Variants in RPGRIP1 observed in about 807,000 individuals in gnomAD.
RPGRIP1 encodes RPGR interacting protein 1, also known as X-linked retinitis pigmentosa GTPase regulator-interacting protein 1.
In RPGRIP1, 128 loss-of-function variants were observed where a neutral mutation model predicts 157.9. That is an observed-to-expected ratio of 0.81 (90% CI 0.70 to 0.94). RPGRIP1 has a LOEUF of 0.94. Ranked by LOEUF, RPGRIP1 falls within the 40% of genes least tolerant of loss-of-function variation. RPGRIP1 has a pLI of 0.00. For missense variants in RPGRIP1, 1,486 were observed against 1,545.8 expected, an observed-to-expected ratio of 0.96 and a Z score of 0.65; for synonymous variants, 554 against 571.6, an observed-to-expected ratio of 0.97 and a Z score of 0.44.
At chr14:21,343,403 C>T (rs778189540) in intron 22 of RPGRIP1, among the ~76,000 whole-genome samples, 175 bp downstream of exon 22, 4 of 152,192 alleles carry the variant, frequency 2.6e-5, no homozygotes, top group African/African-American at 4.8e-5. Flanking sequence ...AAACATTTTA[C>T]ATGAAGCAGG....
intron 21 of RPGRIP1, among the ~76,000 whole-genome samples, chr14:21,337,414 C>T (rs1247570321): frequency 1.3e-5 from 2 of 149,898 alleles, no homozygotes; most frequent in South Asian, 2.1e-4. Context: ...ATTTCTCTGA[C>T]CTACTGGAGT....
At chr14:21,335,698 G>A (rs1162029819) in intron 21 of RPGRIP1, among the ~76,000 whole-genome samples, 5 of 152,072 alleles carry the variant, frequency 3.3e-5, no homozygotes, top group Non-Finnish European at 5.9e-5. Flanking sequence ...GGGCGTGGTG[G>A]CTGGCACCTG....
In RPGRIP1 at chr14:21,307,824, A is replaced by T; in HGVS notation, c.894A>T (p.Thr298=). The T allele has an allele frequency of 6.4e-7, 1 of 1,555,832 alleles. No individual in the cohort carries two copies. The highest frequency in any genetic ancestry group is 8.7e-7 in the Non-Finnish European group (1 of 1,149,362). The change falls in exon 7 of 25, where the codon ACA becomes ACT. Residue 298 remains threonine, a synonymous_variant. Transcript: ENST00000400017. The part of the protein sequence containing the change: ...ASLVMTKAQL[T]EVQEAYETLL... ...TGGTTATGACAAAAGCACAATTAAC[A>T]GAAGTTCAAGAGGTGAGTTGCCATC...
At chr14:21,338,075 C>T (rs1884580453) in intron 21 of RPGRIP1, among the ~76,000 whole-genome samples, 1 of 152,072 alleles carries the variant, frequency 6.6e-6, no homozygotes, top group Non-Finnish European at 1.5e-5. Context: ...CGCCACCATG[C>T]CTGGCTAATT....
chr14:21,351,258 C>CTT lies in RPGRIP1; in HGVS notation c.*42_*43insTT, dbSNP rs753911354. 1 of 1,273,246 alleles carries CTT rather than the reference C, an allele frequency of 7.9e-7. No individual in the cohort carries two copies. The highest frequency in any genetic ancestry group is 1.3e-5 in the South Asian group (1 of 78,236). The allele number at this position is 1,273,246 out of a possible 1,614,324, so 78.9% of individuals were successfully genotyped here. On this transcript the variant is annotated 3_prime_UTR_variant, in exon 25 of 25. Coordinates refer to ENST00000400017, the MANE Select transcript of RPGRIP1 (RefSeq NM_020366.4). ...CCAATCTAAAAGTCTCTGAGGGAACCATAGTAAAAAGTCTCTTATAAAGTT... is the reference window on the plus strand; with the variant it reads ...CCAATCTAAAAGTCTCTGAGGGAACCTTATAGTAAAAAGTCTCTTATAAAGTT...
At chr14:21,300,235 G>T (rs1880964944) in intron 3 of RPGRIP1, among the ~76,000 whole-genome samples, 1 of 151,432 alleles carries the variant, frequency 6.6e-6, no homozygotes, top group African/African-American at 2.4e-5. Flanking sequence ...AACTTGGGAG[G>T]CAGAGGTTGT....
chr14:21,300,451 C>A (rs1288151046), intron 3 of RPGRIP1, among the ~76,000 whole-genome samples: 1 of 151,916 alleles, frequency 6.6e-6, no homozygotes, highest in Non-Finnish European at 1.5e-5. Context: ...AGCAAAAAAA[C>A]CATGATTTTA....
intron 21 of RPGRIP1, among the ~76,000 whole-genome samples, chr14:21,342,015 A>C (rs1258789504): frequency 6.7e-6 from 1 of 149,896 alleles, no homozygotes; most frequent in Non-Finnish European, 1.5e-5. Context: ...GTGCCACTGC[A>C]CTCCAGCCTG....
intron 3 of RPGRIP1, 99 bp from the exon 4 acceptor site, chr14:21,300,867 A>T: frequency 1.5e-6 from 2 of 1,347,200 alleles, no homozygotes; most frequent in South Asian, 2.5e-5. Flanking sequence ...CGGTAGATGA[A>T]TACATATTAT....
At chr14:21,283,777 C>G (rs1208824136) in intron 1 of RPGRIP1, among the ~76,000 whole-genome samples, 1 of 152,060 alleles carries the variant, frequency 6.6e-6, no homozygotes, top group Admixed American at 6.6e-5. Flanking sequence ...CCTGCCTCAG[C>G]CTCCCGAGTA....
chr14:21,315,608 T>G (rs1566678431), intron 10 of RPGRIP1, among the ~76,000 whole-genome samples: 1 of 151,906 alleles, frequency 6.6e-6, no homozygotes, highest in Non-Finnish European at 1.5e-5. Flanking sequence ...GAACAACTGA[T>G]GTTCTTCAGC....
In RPGRIP1 at chr14:21,344,276, G is replaced by A. The variant is rs188442586; in HGVS notation, c.3533-837G>A. ...TATTTTTTGCAGCAATTTTTCATTC[G>A]CCTTATTTTCATTATACATATTGTA... On this transcript the variant is annotated intron_variant, in intron 22 of 24. Transcript: ENST00000400017. Among the ~76,000 whole-genome samples, 505 of 151,712 alleles carry A rather than the reference G, an allele frequency of 3.3e-3. 8 individuals are homozygous for A. The highest frequency in any genetic ancestry group is 1.2e-3 in the East Asian group (6 of 5,162).
Position 21,281,706 on chromosome 14 carries a change from AT to A in RPGRIP1, c.-39+1548del, listed in dbSNP as rs1566663248. ...CTTGTCTCAAAAAAAAAAAAAATAA[AT>A]AATAATAATAATAATAATAATAATA... On this transcript the variant is annotated intron_variant, in intron 1 of 24. Coordinates refer to ENST00000400017, the MANE Select transcript of RPGRIP1 (RefSeq NM_020366.4). Among the ~76,000 whole-genome samples the A allele has an allele frequency of 2.2e-3, 294 of 136,080 alleles. 1 individual carries two copies. Among genetic ancestry groups the A allele is most frequent in the African/African-American group, 8.5e-3 (276 of 32,430 alleles). 89.3% of individuals were successfully genotyped at this position (136,080 alleles called of 152,430 possible).
intron 1 of RPGRIP1, among the ~76,000 whole-genome samples, chr14:21,282,142 C>T (rs1880154088): frequency 6.6e-6 from 1 of 152,150 alleles, no homozygotes. Flanking sequence ...ATCAAGCTGG[C>T]TTTATACGTC....
At chr14:21,317,648 A>G in intron 10 of RPGRIP1, 48 bp from the exon 11 acceptor site, 1 of 1,557,794 alleles carries the variant, frequency 6.4e-7, no homozygotes, top group Non-Finnish European at 8.7e-7. Context: ...AAGACGTCAT[A>G]TCACACCCCT....
chr14:21,331,640 C>G (rs892388131), intron 20 of RPGRIP1, among the ~76,000 whole-genome samples: 2 of 152,076 alleles, frequency 1.3e-5, no homozygotes, highest in Admixed American at 1.3e-4. Flanking sequence ...TGACAGTGGT[C>G]AGAATAGTGG....
chr14:21,331,945 T>C (rs182691363), intron 20 of RPGRIP1, among the ~76,000 whole-genome samples: 1 of 145,880 alleles, frequency 6.9e-6, no homozygotes, highest in Admixed American at 6.8e-5. Flanking sequence ...AATTTTTTTT[T>C]TTTTTTTTTT....
At chr14:21,349,053 G>A (rs1885870725) in intron 24 of RPGRIP1, among the ~76,000 whole-genome samples, 1 of 142,856 alleles carries the variant, frequency 7.0e-6, no homozygotes, top group Non-Finnish European at 1.5e-5. Context: ...AATTGACTAT[G>A]CTCTCCTTAC....
intron 21 of RPGRIP1, among the ~76,000 whole-genome samples, chr14:21,340,793 C>G (rs1041335767): frequency 2.0e-5 from 3 of 152,146 alleles, no homozygotes; most frequent in African/African-American, 7.2e-5. Flanking sequence ...GAACAAGTTT[C>G]AAGAAACCAG....
Sources: gnomAD v4.1 joint callset for allele counts (sites outside exome capture counted in the v4.1 genomes callset) on GRCh38, gnomAD v4.1.1 for gene constraint, MANE v1.5 for transcripts, NCBI Gene and HGNC (gene_info 2026-07-23, HGNC 2026-07-21) for gene names.